ELAC2: variants seen among roughly 807,000 people sequenced by gnomAD.
ELAC2 encodes elaC ribonuclease Z 2.
A neutral mutation model predicts 105.2 loss-of-function variants in ELAC2; 92 were observed. The observed-to-expected ratio is 0.87, with a 90% confidence interval of 0.74 to 1.04. The LOEUF (loss-of-function observed/expected upper bound fraction) is 1.04, where lower values mean the gene tolerates loss of function less well. Among genes scored for constraint, ELAC2 ranks in the 50% least tolerant of loss-of-function variants. ELAC2 has a pLI of 0.00. For missense variants in ELAC2, 1,099 were observed against 1,071.7 expected, an observed-to-expected ratio of 1.03 and a Z score of -0.36; for synonymous variants, 468 against 409.1, an observed-to-expected ratio of 1.14 and a Z score of -1.74.
At chr17:12,993,961 C>G (rs2040336189) in intron 22 of ELAC2, 130 bp from the exon 23 acceptor site, 2 of 1,314,160 alleles carry the variant, frequency 1.5e-6, no homozygotes, top group African/African-American at 2.9e-5. Flanking sequence ...TAACGGGCAC[C>G]TCCGTAGCCA....
chr17:13,014,313 AT>A (rs2041602323), intron 5 of ELAC2, 125 bp downstream of exon 5: 10 of 701,014 alleles, frequency 1.4e-5, no homozygotes, highest in Non-Finnish European at 2.0e-5. Flanking sequence ...AAAAAAAAAA[AT>A]CTCGTGGTGA....
At chr17:12,993,149 C>A in intron 23 of ELAC2, 104 bp from the exon 24 acceptor site, 1 of 1,229,180 alleles carries the variant, frequency 8.1e-7, no homozygotes, top group South Asian at 1.2e-5. Context: ...GCGCCAACGC[C>A]CCTTCCTTGG....
intron 1 of ELAC2, chr17:13,017,498 C>G (rs1000000156): frequency 1.2e-5 from 13 of 1,110,468 alleles, no homozygotes; most frequent in South Asian, 3.2e-5. Context: ...CGCTCAGACC[C>G]AGGCCTGAAG....
chr17:13,010,467 C>T, intron 8 of ELAC2, 146 bp downstream of exon 8: 2 of 761,310 alleles, frequency 2.6e-6, no homozygotes, highest in Non-Finnish European at 2.3e-6. Flanking sequence ...CTGCACCCGG[C>T]CTTCCATCAG....
Position 13,005,079 on chromosome 17 carries a change from G to A in ELAC2, c.893C>T (p.Thr298Ile), listed in dbSNP as rs775103906. ...GREILAEELC[T>I]PPDPGAAFVV... ...AAAAGCAGCACCAGGATCTGGAGGA[G>A]TACACAGCTCTTCAGCCAAAATCTG... The change falls in exon 11 of 24, where the codon ACT (threonine) becomes ATT (isoleucine). Residue 298 changes from threonine (T) to isoleucine (I), a missense_variant. Coordinates refer to ENST00000338034, the MANE Select transcript of ELAC2 (RefSeq NM_018127.7). The A allele has an allele frequency of 1.2e-6, 2 of 1,614,166 alleles. No individual in the cohort carries two copies. The highest frequency in any genetic ancestry group is 8.5e-7 in the Non-Finnish European group (1 of 1,179,998).
At chr17:13,017,401 C>G (rs2041802330) in intron 1 of ELAC2, 5 of 632,026 alleles carry the variant, frequency 7.9e-6, no homozygotes, top group Non-Finnish European at 1.4e-5. Flanking sequence ...ACGCTAACAA[C>G]GACACACTGG....
At chr17:13,015,742 T>C (rs147705372) in intron 4 of ELAC2, 26 bp downstream of exon 4, 3 of 1,599,860 alleles carry the variant, frequency 1.9e-6, no homozygotes, top group African/African-American at 2.7e-5. Context: ...AGATTGCTTT[T>C]GAAAGATGTG....
intron 22 of ELAC2, 102 bp from the exon 23 acceptor site, chr17:12,993,933 G>A: frequency 3.2e-6 from 5 of 1,561,422 alleles, no homozygotes; most frequent in Non-Finnish European, 4.4e-6. Context: ...GGCACCCGGG[G>A]AAGCTGGTGG....
chr17:13,014,607 T>G, intron 4 of ELAC2, 111 bp from the exon 5 acceptor site: 1 of 832,456 alleles, frequency 1.2e-6, no homozygotes, highest in East Asian at 2.4e-5. Flanking sequence ...CAAAGCTTAG[T>G]AAATATTTTG....
chr17:13,005,852 G>A (rs1329312630), intron 9 of ELAC2, 27 bp from the exon 10 acceptor site: 1 of 1,613,904 alleles, frequency 6.2e-7, no homozygotes, highest in Admixed American at 1.7e-5. Flanking sequence ...AGGCCTCTGT[G>A]AAATGTGATT....
intron 10 of ELAC2, among the ~76,000 whole-genome samples, chr17:13,005,451 A>C (rs2143623946): frequency 6.6e-6 from 1 of 152,286 alleles, no homozygotes; most frequent in African/African-American, 2.4e-5. Context: ...CCCCAGGCCC[A>C]TCCATATGGG....
In ELAC2 at chr17:12,993,701, A is replaced by T; in HGVS notation, c.2239T>A (p.Phe747Ile). ...PNFSEKVGVAFDHMKVCFGDF... is the reference protein window; with the variant it reads ...PNFSEKVGVAIDHMKVCFGDF... ...GACATACAGACCTTCATGTGGTCAA[A>T]GGCAACTCCCACTTTCTCGCTGAAG... is the stretch of plus-strand genomic sequence containing the variant. Residue 747 changes from phenylalanine (F) to isoleucine (I), a missense_variant, in exon 23 of 24, where the codon TTT (phenylalanine) becomes ATT (isoleucine). Physicochemically the swap from Phe to Ile is conservative, Grantham distance 21. Coordinates refer to ENST00000338034, the MANE Select transcript of ELAC2 (RefSeq NM_018127.7). 1 of 1,614,156 alleles carries T rather than the reference A, an allele frequency of 6.2e-7. No homozygotes were observed. Among genetic ancestry groups the T allele is most frequent in the South Asian group, 1.1e-5 (1 of 91,084 alleles).
Position 12,992,398 on chromosome 17 carries a change from C to G in ELAC2, c.*420G>C, listed in dbSNP as rs2040227579. On this transcript the variant is annotated 3_prime_UTR_variant, in exon 24 of 24. Coordinates refer to ENST00000338034, the MANE Select transcript of ELAC2 (RefSeq NM_018127.7). ...AAGCAAAAGAACTCACAATTGCAAA[C>G]TCAATCTTTATTGCAGCTGAAATAC... 1 of 361,308 alleles carries G rather than the reference C, an allele frequency of 2.8e-6. No homozygotes were observed. The highest frequency in any genetic ancestry group is 5.2e-6 in the Non-Finnish European group (1 of 193,052). The allele number at this position is 361,308 out of a possible 1,614,324, so 22.4% of individuals were successfully genotyped here.
At chr17:13,004,676 T>C (rs770296247) in intron 11 of ELAC2, among the ~76,000 whole-genome samples, 2 of 152,198 alleles carry the variant, frequency 1.3e-5, no homozygotes, top group African/African-American at 2.4e-5. Context: ...ATAATCCAAA[T>C]GATAATCTGG....
chr17:13,013,917 C>A (rs967817593), intron 5 of ELAC2, among the ~76,000 whole-genome samples: 9 of 152,206 alleles, frequency 5.9e-5, no homozygotes, highest in African/African-American at 2.2e-4. Context: ...GAATGCCACA[C>A]AGCATGTACA....
Position 12,995,036 on chromosome 17 carries a change from T to C in ELAC2, c.1835A>G (p.Glu612Gly). 1 of 1,614,170 alleles carries C rather than the reference T, an allele frequency of 6.2e-7. No homozygotes were observed. Among genetic ancestry groups the C allele is most frequent in the Non-Finnish European group, 8.5e-7 (1 of 1,180,034 alleles). Residue 612 changes from glutamate to glycine, a missense_variant, in exon 20 of 24, where the codon GAA becomes GGA. Transcript: ENST00000338034. ...ISMIPAKCLQ[E>G]GAEISSPAVE... Reference sequence around the variant, plus strand: ...TGCAGGACTGGAGATCTCAGCCCCTTCCTGAAGGCATTTGGCAGGAATCAT... The same window carrying C: ...TGCAGGACTGGAGATCTCAGCCCCTCCCTGAAGGCATTTGGCAGGAATCAT...
intron 14 of ELAC2, among the ~76,000 whole-genome samples, chr17:13,001,402 G>T (rs1389638248): frequency 6.6e-6 from 1 of 152,152 alleles, no homozygotes; most frequent in Non-Finnish European, 1.5e-5. Flanking sequence ...TGGGGCAGGA[G>T]AAATGCTTGA....
chr17:13,014,474 T>C lies in ELAC2; in HGVS notation c.455A>G (p.Lys152Arg), dbSNP rs750411109. 3 of 1,613,680 alleles carry C rather than the reference T, an allele frequency of 1.9e-6. No homozygotes were observed. The East Asian group carries it at 6.7e-5, about 36-fold the overall frequency. ...TCCTTTCAATGGACCAGAAAATATT[T>C]TGATTGCTTCGAGGTATTTTTCCTA... The part of the protein sequence containing the change: ...PQLEKYLEAI[K>R]IFSGPLKGIE... The change falls in exon 5 of 24, where the codon AAA (lysine) becomes AGA (arginine). Residue 152 changes from lysine to arginine, a missense_variant. Physicochemically the swap from Lys to Arg is conservative, Grantham distance 26. Transcript: ENST00000338034.
At position 12,994,850 on chromosome 17, in the gene ELAC2, G is replaced by A. The variant is rs576649698; in HGVS notation, c.1943C>T (p.Ala648Val). ...QTCLVRHCKH[A>V]FGCALVHTSG... Reference sequence around the variant, plus strand: ...GGTGTGCACCAGCGCACAGCCAAACGCATGCTTGCAGTGCCGCACCAGACA... The same window carrying A: ...GGTGTGCACCAGCGCACAGCCAAACACATGCTTGCAGTGCCGCACCAGACA... Residue 648 changes from alanine to valine, a missense_variant, in exon 21 of 24, where the codon GCG becomes GTG. Ala to Val is a moderately conservative substitution (Grantham distance 64). Transcript: ENST00000338034. The A allele has an allele frequency of 5.0e-6, 8 of 1,614,070 alleles. No individual in the cohort carries two copies. The highest frequency in any genetic ancestry group is 4.5e-5 in the East Asian group (2 of 44,874).
Sources: gnomAD v4.1 joint callset for allele counts (sites outside exome capture counted in the v4.1 genomes callset) on GRCh38, gnomAD v4.1.1 for gene constraint, MANE v1.5 for transcripts, NCBI Gene and HGNC (gene_info 2026-07-23, HGNC 2026-07-21) for gene names.